Variants in CD82 observed in about 807,000 individuals in gnomAD.
CD82 encodes CD82 molecule, also known as CD82 antigen.
A neutral mutation model predicts 37.4 loss-of-function variants in CD82; 36 were observed. The ratio of observed to expected loss-of-function variants is 0.96; its 90% CI spans 0.74 to 1.27. CD82 has a LOEUF of 1.27. Among genes scored for constraint, CD82 ranks in the 50% most tolerant of loss-of-function variants. The pLI is 0.00. For synonymous variants in CD82, 158 were observed against 137.4 expected (o/e 1.15, Z -1.05); for missense variants, 340 against 347.0 (o/e 0.98, Z 0.16).
At chr11:44,594,573 C>T (rs1853193801) in intron 2 of CD82, 70 bp from the exon 3 acceptor site, 1 of 943,522 alleles carries the variant, frequency 1.1e-6, no homozygotes, top group South Asian at 1.3e-5. Context: ...TTAGTACCCA[C>T]CTCCTGGGGT....
At chr11:44,604,091 CAGCAGTTCTCTGCAGTT>C (rs1853353622) in intron 4 of CD82, among the ~76,000 whole-genome samples, 1 of 152,206 alleles carries the variant, frequency 6.6e-6, no homozygotes, top group African/African-American at 2.4e-5. Context: ...TCTCCCAGCC[CAGCAGTTCTCTGCAGTT>C]AGCCAGCTTT....
At chr11:44,576,954 C>G (rs1222698968) in intron 1 of CD82, among the ~76,000 whole-genome samples, 1 of 152,062 alleles carries the variant, frequency 6.6e-6, no homozygotes, top group Non-Finnish European at 1.5e-5. Context: ...TGAGCCCAGC[C>G]CCTAAGACGG....
chr11:44,577,657 C>T (rs1295610358), intron 1 of CD82, among the ~76,000 whole-genome samples: 3 of 152,154 alleles, frequency 2.0e-5, no homozygotes, highest in East Asian at 1.9e-4. Context: ...TTTCCTTCGT[C>T]GAAAAGTAAG....
intron 1 of CD82, among the ~76,000 whole-genome samples, chr11:44,569,722 C>T (rs1474193896): frequency 1.3e-5 from 2 of 152,174 alleles, no homozygotes; most frequent in African/African-American, 2.4e-5. Context: ...GTTTCCCCCA[C>T]CTGAAGCACC....
chr11:44,614,384 C>G (rs567164224), intron 6 of CD82, among the ~76,000 whole-genome samples: 1 of 152,342 alleles, frequency 6.6e-6, no homozygotes, highest in African/African-American at 2.4e-5. Flanking sequence ...TAAGGATTCA[C>G]CAAGAAGTTG....
chr11:44,612,132 C>A (rs559828296), intron 6 of CD82, among the ~76,000 whole-genome samples: 2 of 152,360 alleles, frequency 1.3e-5, no homozygotes, highest in African/African-American at 4.8e-5. Flanking sequence ...GGCAGACAGC[C>A]CCAGCTATGT....
intron 2 of CD82, among the ~76,000 whole-genome samples, chr11:44,590,895 C>G (rs1853136302): frequency 6.6e-6 from 1 of 152,204 alleles, no homozygotes; most frequent in Non-Finnish European, 1.5e-5. Flanking sequence ...CGTGGGTGAC[C>G]TGGGTGTGTC....
At chr11:44,610,601 G>A (rs544304760) in intron 6 of CD82, among the ~76,000 whole-genome samples, 4 of 152,156 alleles carry the variant, frequency 2.6e-5, no homozygotes, top group African/African-American at 9.6e-5. Context: ...GGAGGCCCTG[G>A]GCAGCTTGCC....
intron 1 of CD82, among the ~76,000 whole-genome samples, chr11:44,579,904 C>T (rs1852956256): frequency 6.6e-6 from 1 of 152,152 alleles, no homozygotes; most frequent in African/African-American, 2.4e-5. Context: ...GGTGAGGTTG[C>T]CTCAGACACT....
At chr11:44,579,344 G>A (rs959162258) in intron 1 of CD82, among the ~76,000 whole-genome samples, 4 of 152,132 alleles carry the variant, frequency 2.6e-5, no homozygotes, top group East Asian at 3.9e-4. Flanking sequence ...CAGAGCAGGA[G>A]CTGGGAAGCT....
chr11:44,619,038 T>C lies in CD82; in HGVS notation c.727-11T>C. 1.2e-6 allele frequency: 2 copies of C among 1,612,610 alleles called. No homozygotes were observed. The highest frequency in any genetic ancestry group is 2.2e-5 in the South Asian group (2 of 91,058). On this transcript the variant is annotated splice_polypyrimidine_tract_variant and intron_variant, in intron 9 of 9. Transcript: ENST00000227155. ...CCCAGCCTCCCTCTGACTCTCCGCC[T>C]CTCCCCACAGCTCCTGGGGATGGTC...
At chr11:44,585,671 C>G (rs1371543852) in intron 1 of CD82, among the ~76,000 whole-genome samples, 1 of 152,324 alleles carries the variant, frequency 6.6e-6, no homozygotes, top group South Asian at 2.1e-4. Flanking sequence ...GAGCCAAGGG[C>G]CGGCTCTGTG....
chr11:44,578,473 A>AC, intron 1 of CD82, among the ~76,000 whole-genome samples: 1 of 151,158 alleles, frequency 6.6e-6, no homozygotes, highest in Non-Finnish European at 1.5e-5. Flanking sequence ...ACATCTATAC[A>AC]CCCCCCTTCC....
Position 44,593,992 on chromosome 11 carries a change from TATAC to T in CD82, c.-20-649_-20-646del, listed in dbSNP as rs1050105565. ...CCCAATTTTGATTAGAACCATTTGTTATACACACACACACACACACACACGAATA... is the reference window on the plus strand; with the variant it reads ...CCCAATTTTGATTAGAACCATTTGTTACACACACACACACACACACGAATA... On this transcript the variant is annotated intron_variant, in intron 2 of 9. Coordinates refer to ENST00000227155, the MANE Select transcript of CD82 (RefSeq NM_002231.4). Among the ~76,000 whole-genome samples, 4 of 10,424 alleles carry T rather than the reference TATAC, an allele frequency of 3.8e-4. No individual in the cohort carries two copies. The South Asian group carries it at 8.4e-3, about 22-fold the overall frequency. The allele number at this position is 10,424 out of a possible 152,430, so 6.8% of individuals were successfully genotyped here. A position where few individuals can be genotyped will look rare whatever the true frequency, so the allele number is the denominator to read the frequency against.
chr11:44,611,619 G>A lies in CD82; in HGVS notation c.337-3653G>A, dbSNP rs1041994990. ...GCAGGGCAGGCAGAAACAATGGAGC[G>A]GTCCCTGGGGGGATGGAGGGAGCTC... On this transcript the variant is annotated intron_variant, in intron 6 of 9. Transcript: ENST00000227155. Among the ~76,000 whole-genome samples the A allele has an allele frequency of 4.6e-5, 7 of 152,170 alleles. No homozygotes were observed. The South Asian group carries it at 8.3e-4, about 18-fold the overall frequency.
chr11:44,600,376 C>A, intron 4 of CD82, 146 bp downstream of exon 4: 1 of 712,012 alleles, frequency 1.4e-6, no homozygotes, highest in Non-Finnish European at 2.4e-6. Flanking sequence ...TCCTGCTGCC[C>A]ACCACTGCCC....
rs1853647287 is a variant in CD82 at position 44,620,340 on chromosome 11, T to C, written c.*1214T>C. The stretch of plus-strand genomic sequence containing the variant: ...AAACACACTCAAGATTCTAAGACTA[T>C]TAAAGAGGATTTATAACAGTCTAGT... On this transcript the variant is annotated 3_prime_UTR_variant, in exon 10 of 10. Coordinates refer to ENST00000227155, the MANE Select transcript of CD82 (RefSeq NM_002231.4). 6.6e-6 allele frequency: 1 copy of C among 152,128 alleles called. No individual in the cohort carries two copies. The highest frequency in any genetic ancestry group is 1.5e-5 in the Non-Finnish European group (1 of 68,046). 9.4% of individuals were successfully genotyped at this position (152,128 alleles called of 1,614,324 possible).
intron 9 of CD82, 135 bp downstream of exon 9, chr11:44,618,858 A>G: frequency 3.5e-6 from 3 of 850,876 alleles, no homozygotes; most frequent in Non-Finnish European, 5.6e-6. Context: ...TGGTCTGAGC[A>G]CTGTCTGGCT....
intron 4 of CD82, chr11:44,604,602 C>T (rs1400397758): frequency 5.5e-6 from 1 of 180,952 alleles, no homozygotes; most frequent in African/African-American, 2.4e-5. Context: ...CCCTGGAGAA[C>T]CAGCCAGCCT....
Sources: allele counts gnomAD v4.1 joint callset (sites outside exome capture counted in the v4.1 genomes callset), GRCh38; gene constraint gnomAD v4.1.1; transcripts MANE v1.5; gene names NCBI Gene and HGNC (gene_info 2026-07-23, HGNC 2026-07-21).